MCC: variants seen among roughly 807,000 people sequenced by gnomAD.
MCC encodes the protein MCC regulator of Wnt signaling pathway.
MCC carries 90 observed loss-of-function variants against 116.2 expected under a neutral mutation model. The observed-to-expected ratio is 0.77, with a 90% confidence interval of 0.65 to 0.92. The LOEUF is 0.92. MCC is among the 40% of genes least tolerant of loss of function. The pLI is 0.00. For missense variants in MCC, 1,516 were observed against 1,312.2 expected, an observed-to-expected ratio of 1.16 and a Z score of -2.40; for synonymous variants, 578 against 510.5, an observed-to-expected ratio of 1.13 and a Z score of -1.78.
chr5:113,333,449 A>C (rs567764726), intron 3 of MCC, among the ~76,000 whole-genome samples: 1 of 151,746 alleles, frequency 6.6e-6, no homozygotes, highest in African/African-American at 2.4e-5. Flanking sequence ...TTGCTATGTC[A>C]GTTTTTTAAT....
At chr5:113,247,443 A>T (rs4705807) in intron 3 of MCC, among the ~76,000 whole-genome samples, 24,115 of 152,212 alleles carry the variant, frequency 0.16, 2,252 homozygotes, top group Admixed American at 0.29. Flanking sequence ...AAAACTACAG[A>T]ATGCTTTCAA....
chr5:113,201,021 T>C (rs531073804), intron 3 of MCC, among the ~76,000 whole-genome samples: 1 of 152,264 alleles, frequency 6.6e-6, no homozygotes, highest in East Asian at 1.9e-4. Context: ...TAAATTCTTA[T>C]ATGGAACCCC....
intron 11 of MCC, among the ~76,000 whole-genome samples, chr5:113,072,323 G>C (rs576787223): frequency 6.6e-6 from 1 of 152,324 alleles, no homozygotes; most frequent in Non-Finnish European, 1.5e-5. Context: ...TCACTGCCAG[G>C]CTCTGGCCAT....
intron 3 of MCC, among the ~76,000 whole-genome samples, chr5:113,208,364 G>C (rs1762995338): frequency 6.6e-6 from 1 of 152,122 alleles, no homozygotes; most frequent in Non-Finnish European, 1.5e-5. Flanking sequence ...CCTTTCTACA[G>C]AGTGCCTTGA....
chr5:113,067,563 G>C (rs1404456284), intron 13 of MCC, among the ~76,000 whole-genome samples: 1 of 152,226 alleles, frequency 6.6e-6, no homozygotes. Context: ...TTGAACCTAG[G>C]AGGTGGAGGT....
chr5:113,073,081 A>AT (rs11415931), intron 11 of MCC, among the ~76,000 whole-genome samples: 40,749 of 145,348 alleles, frequency 0.28, 5,652 homozygotes, highest in Middle Eastern at 0.33. Context: ...TATTTTTGCA[A>AT]TTTTTTTTTT....
intron 3 of MCC, among the ~76,000 whole-genome samples, chr5:113,288,560 T>C (rs1359976759): frequency 6.6e-6 from 1 of 152,254 alleles, no homozygotes; most frequent in Non-Finnish European, 1.5e-5. Flanking sequence ...TTGGAGGCTA[T>C]GGCAGTGACT....
At chr5:113,289,099 G>A (rs1397150892) in intron 3 of MCC, among the ~76,000 whole-genome samples, 1 of 152,158 alleles carries the variant, frequency 6.6e-6, no homozygotes, top group Non-Finnish European at 1.5e-5. Context: ...TTGGGAGGCT[G>A]AGGTAGATGG....
chr5:113,245,922 T>G (rs546232996), intron 3 of MCC, among the ~76,000 whole-genome samples: 1 of 152,198 alleles, frequency 6.6e-6, no homozygotes, highest in African/African-American at 2.4e-5. Context: ...TATGGAAGTC[T>G]GGGCTTCTCA....
chr5:113,282,356 C>T (rs995757109), intron 3 of MCC, among the ~76,000 whole-genome samples: 1 of 152,140 alleles, frequency 6.6e-6, no homozygotes, highest in African/African-American at 2.4e-5. Context: ...TTGAAGGCAG[C>T]TTTATCAGCA....
chr5:113,340,187 AGTATATCCTATTAATTT>A, intron 3 of MCC, among the ~76,000 whole-genome samples: 1 of 152,370 alleles, frequency 6.6e-6, no homozygotes, highest in East Asian at 1.9e-4. Context: ...AACAGAAGCA[AGTATATCCTATTAATTT>A]GTAATGTCTA....
chr5:113,344,268 C>A (rs1454226770), intron 2 of MCC, among the ~76,000 whole-genome samples: 1 of 152,182 alleles, frequency 6.6e-6, no homozygotes, highest in African/African-American at 2.4e-5. Context: ...ATTGCCCATC[C>A]CAGCAGTCGG....
intron 3 of MCC, among the ~76,000 whole-genome samples, chr5:113,325,042 G>A (rs1395399420): frequency 6.6e-6 from 1 of 151,682 alleles, no homozygotes; most frequent in Non-Finnish European, 1.5e-5. Flanking sequence ...GTCTCACTAT[G>A]TTGCCCAGGC....
Position 113,084,201 on chromosome 5 carries a change from A to C in MCC, c.1546-11T>G, listed in dbSNP as rs763274309. ...CACCCTCTCAGCAATCTTAAAAAAG[A>C]AAACAAAACATTATAGAAAACTACA... On this transcript the variant is annotated splice_polypyrimidine_tract_variant and intron_variant, in intron 9 of 18. Transcript: ENST00000408903. 1 of 1,606,324 alleles carries C rather than the reference A, an allele frequency of 6.2e-7. No homozygotes were observed. The highest frequency in any genetic ancestry group is 2.2e-5 in the East Asian group (1 of 44,848).
At chr5:113,134,765 C>G (rs1422495111) in intron 5 of MCC, among the ~76,000 whole-genome samples, 2 of 151,580 alleles carry the variant, frequency 1.3e-5, no homozygotes, top group Non-Finnish European at 2.9e-5. Flanking sequence ...TGACCTTGAG[C>G]AGTAGGATAT....
chr5:113,131,776 T>C (rs911828087), intron 5 of MCC, among the ~76,000 whole-genome samples: 9 of 152,076 alleles, frequency 5.9e-5, no homozygotes, highest in African/African-American at 2.2e-4. Context: ...ATCGGCAGAG[T>C]TAAAACTCTA....
At chr5:113,106,458 G>T (rs191198131) in intron 6 of MCC, among the ~76,000 whole-genome samples, 4 of 151,552 alleles carry the variant, frequency 2.6e-5, no homozygotes, top group African/African-American at 7.3e-5. Flanking sequence ...CCTGGAATAT[G>T]CCAAACTCCT....
intron 1 of MCC, among the ~76,000 whole-genome samples, chr5:113,414,069 T>C (rs1770071405): frequency 6.6e-6 from 1 of 152,236 alleles, no homozygotes; most frequent in Admixed American, 6.5e-5. Context: ...AGTTTCCATG[T>C]AGTTGTGCGG....
intron 3 of MCC, among the ~76,000 whole-genome samples, chr5:113,292,781 G>A (rs1383457009): frequency 6.6e-6 from 1 of 152,158 alleles, no homozygotes; most frequent in Non-Finnish European, 1.5e-5. Flanking sequence ...ATCGTGAAGG[G>A]CCTGGCAAAG....
Sources: allele counts gnomAD v4.1 joint callset (sites outside exome capture counted in the v4.1 genomes callset), GRCh38; gene constraint gnomAD v4.1.1; transcripts MANE v1.5; gene names NCBI Gene and HGNC (gene_info 2026-07-23, HGNC 2026-07-21).